Variants in RORA observed in about 807,000 individuals in gnomAD.
RORA encodes nuclear receptor ROR-alpha.
A neutral mutation model predicts 69.5 loss-of-function variants in RORA; 7 were observed. The observed-to-expected ratio is 0.10, with a 90% CI of 0.06 to 0.19. The LOEUF (loss-of-function observed/expected upper bound fraction) is 0.19. RORA is among the 10% of genes least tolerant of loss of function. The pLI, the probability that RORA is intolerant of heterozygous loss-of-function variation, is 1.00. For synonymous variants in RORA, 261 were observed against 240.8 expected, an observed-to-expected ratio of 1.08 and a Z score of -0.78; for missense variants, 457 against 663.0, an observed-to-expected ratio of 0.69 and a Z score of 3.41.
At chr15:61,138,244 T>C (rs2079263348) in intron 1 of RORA, among the ~76,000 whole-genome samples, 1 of 152,208 alleles carries the variant, frequency 6.6e-6, no homozygotes, top group South Asian at 2.1e-4. Flanking sequence ...TTAAACAACA[T>C]GATTTATTTT....
chr15:60,704,492 C>A (rs2071032719), intron 1 of RORA, among the ~76,000 whole-genome samples: 1 of 152,194 alleles, frequency 6.6e-6, no homozygotes. Context: ...CTCTGTTGGG[C>A]AAGGTTTTCT....
chr15:61,101,348 G>GA (rs1566989429), intron 1 of RORA, among the ~76,000 whole-genome samples: 1 of 152,004 alleles, frequency 6.6e-6, no homozygotes, highest in Non-Finnish European at 1.5e-5. Context: ...ATGAGAGACT[G>GA]AAAAAAAGGC....
chr15:60,564,585 T>C (rs1341325987), intron 2 of RORA, among the ~76,000 whole-genome samples: 3 of 152,164 alleles, frequency 2.0e-5, no homozygotes, highest in East Asian at 3.9e-4. Context: ...TGCTGGGCTA[T>C]ATTAAATCTG....
At chr15:60,986,584 A>T (rs948686219) in intron 1 of RORA, among the ~76,000 whole-genome samples, 1 of 152,208 alleles carries the variant, frequency 6.6e-6, no homozygotes, top group Non-Finnish European at 1.5e-5. Flanking sequence ...ACATGGGCTC[A>T]TCTGAGGACA....
At chr15:61,069,498 A>G (rs2078309877) in intron 1 of RORA, among the ~76,000 whole-genome samples, 1 of 152,200 alleles carries the variant, frequency 6.6e-6, no homozygotes, top group Non-Finnish European at 1.5e-5. Flanking sequence ...GCGTCCAGGG[A>G]AAGAGGAAGG....
chr15:61,228,500 C>A (rs2080169636), intron 1 of RORA, among the ~76,000 whole-genome samples: 1 of 151,458 alleles, frequency 6.6e-6, no homozygotes, highest in East Asian at 2.0e-4. Context: ...CCTCTCCACC[C>A]CCGGGACTTC....
At position 60,500,323 on chromosome 15, in the gene RORA, A is replaced by G. The variant is rs558319074; in HGVS notation, c.1295-319T>C. 4.6e-5 allele frequency among the ~76,000 whole-genome samples: 7 copies of G among 152,334 alleles called. No individual in the cohort carries two copies. The South Asian group carries it at 1.5e-3, about 32-fold the overall frequency. ...CATCATGGCCCCTCGAGACGTTCTA[A>G]TAATTATACTTTGGAATGAAATATT... On this transcript the variant is annotated intron_variant, in intron 9 of 10. Transcript: ENST00000335670.
chr15:60,901,049 T>C (rs1443098425), intron 1 of RORA, among the ~76,000 whole-genome samples: 1 of 152,178 alleles, frequency 6.6e-6, no homozygotes, highest in Non-Finnish European at 1.5e-5. Flanking sequence ...TGTTTAGTAT[T>C]GAAATTATGC....
chr15:60,556,915 T>C lies in RORA; in HGVS notation c.197-25064A>G, dbSNP rs148514379. 110 of 1,613,418 alleles carry C rather than the reference T, an allele frequency of 6.8e-5. No individual in the cohort carries two copies. Among genetic ancestry groups the C allele is most frequent in the Admixed American group, 4.2e-4 (25 of 59,980 alleles). ...TTGTGAATATGGTGGCTTGCCATTC[T>C]GCCTCCAGGAACACTTGTTTGTCCA... is the stretch of plus-strand genomic sequence containing the variant. On this transcript the variant is annotated intron_variant, in intron 2 of 10. Coordinates refer to ENST00000335670, the MANE Select transcript of RORA (RefSeq NM_134261.3).
chr15:60,676,099 G>A (rs749690823), intron 2 of RORA, among the ~76,000 whole-genome samples: 1 of 152,044 alleles, frequency 6.6e-6, no homozygotes, highest in Non-Finnish European at 1.5e-5. Flanking sequence ...AGAGGAGCTG[G>A]AATTTAACAT....
intron 1 of RORA, among the ~76,000 whole-genome samples, chr15:61,182,443 A>T (rs1567026250): frequency 6.6e-6 from 1 of 152,200 alleles, no homozygotes; most frequent in Non-Finnish European, 1.5e-5. Context: ...CATAAATAAA[A>T]GCAATGCTTT....
intron 2 of RORA, chr15:60,592,674 C>A: frequency 3.7e-6 from 4 of 1,071,508 alleles, no homozygotes; most frequent in Non-Finnish European, 4.5e-6. Flanking sequence ...CGCGCCCCAG[C>A]GCCGCGCCCC....
chr15:61,067,229 A>G (rs957027760), intron 1 of RORA, among the ~76,000 whole-genome samples: 15 of 151,274 alleles, frequency 9.9e-5, no homozygotes, highest in African/African-American at 3.6e-4. Flanking sequence ...CTCCTGCCTC[A>G]GCCTCCTGAG....
At chr15:60,700,065 T>C (rs2070960961) in intron 1 of RORA, among the ~76,000 whole-genome samples, 1 of 152,162 alleles carries the variant, frequency 6.6e-6, no homozygotes, top group East Asian at 1.9e-4. Context: ...AAGTCCACCC[T>C]GCCCAGATAT....
chr15:60,783,234 C>CT (rs142670502), intron 1 of RORA, among the ~76,000 whole-genome samples: 2 of 151,894 alleles, frequency 1.3e-5, no homozygotes. Flanking sequence ...ATGTTTTTAT[C>CT]TTTTTTTTAA....
rs1555428642 is a variant in RORA at position 60,540,574 on chromosome 15, C to CCCCCCCCCCCCCCCCCG, written c.197-8724_197-8723insCGGGGGGGGGGGGGGGG. Among the ~76,000 whole-genome samples the CCCCCCCCCCCCCCCCCG allele has an allele frequency of 2.9e-5, 3 of 102,644 alleles. 1 individual carries two copies. Among genetic ancestry groups the CCCCCCCCCCCCCCCCCG allele is most frequent in the Non-Finnish European group, 5.8e-5 (3 of 51,908 alleles). 67.3% of individuals were successfully genotyped at this position (102,644 alleles called of 152,430 possible). A position where few individuals can be genotyped will look rare whatever the true frequency, so the allele number is the denominator to read the frequency against. On this transcript the variant is annotated intron_variant, in intron 2 of 10. Coordinates refer to ENST00000335670, the MANE Select transcript of RORA (RefSeq NM_134261.3). ...TGCACAATTTCCATGACCCCCCCCC[C>CCCCCCCCCCCCCCCCCG]CCAAAACTGTGCGGTCACAAAACCC...
chr15:61,017,159 G>A (rs1012961154), intron 1 of RORA, among the ~76,000 whole-genome samples: 18 of 152,030 alleles, frequency 1.2e-4, no homozygotes, highest in Middle Eastern at 3.4e-3. Flanking sequence ...TTATTTATTG[G>A]CTTAACCTCC....
chr15:61,185,177 T>G (rs2140908593), intron 1 of RORA, among the ~76,000 whole-genome samples: 1 of 152,260 alleles, frequency 6.6e-6, no homozygotes, highest in East Asian at 1.9e-4. Context: ...GCTCATGGTT[T>G]GGATGTGTCC....
chr15:61,174,253 C>G (rs868265321), intron 1 of RORA, among the ~76,000 whole-genome samples: 4 of 152,214 alleles, frequency 2.6e-5, no homozygotes, highest in African/African-American at 9.6e-5. Context: ...TCACGTCCCC[C>G]CTGCCCCCAC....
Sources: allele counts gnomAD v4.1 joint callset (sites outside exome capture counted in the v4.1 genomes callset), GRCh38; gene constraint gnomAD v4.1.1; transcripts MANE v1.5; gene names NCBI Gene and HGNC (gene_info 2026-07-23, HGNC 2026-07-21).